The following GPR158 variants were observed in gnomAD, a reference collection of about 807,000 sequenced individuals.
The protein encoded by GPR158 is G protein-coupled receptor 158.
In GPR158, 30 loss-of-function variants were observed where a neutral mutation model predicts 78.2. That is an observed-to-expected ratio of 0.38 (90% CI 0.29 to 0.52). GPR158 has a LOEUF of 0.52. GPR158 is among the 20% of genes least tolerant of loss of function. The pLI is 0.83. For missense variants in GPR158, 1,463 were observed against 1,523.5 expected, an observed-to-expected ratio of 0.96 and a Z score of 0.66; for synonymous variants, 581 against 591.1, an observed-to-expected ratio of 0.98 and a Z score of 0.25.
chr10:25,548,606 A>G (rs1182115186), intron 5 of GPR158, among the ~76,000 whole-genome samples: 1 of 152,164 alleles, frequency 6.6e-6, no homozygotes, highest in East Asian at 1.9e-4. Context: ...ATATTAAATA[A>G]ACTGTGGAAG....
chr10:25,302,055 A>T, intron 2 of GPR158, among the ~76,000 whole-genome samples: 1 of 148,466 alleles, frequency 6.7e-6, no homozygotes, highest in Non-Finnish European at 1.5e-5. Flanking sequence ...CGCATCTATC[A>T]GTAATTTGTT....
intron 5 of GPR158, among the ~76,000 whole-genome samples, chr10:25,485,051 A>G (rs1007561717): frequency 2.0e-5 from 3 of 152,234 alleles, no homozygotes; most frequent in East Asian, 1.9e-4. Flanking sequence ...TAGGTGAACA[A>G]TCTGACCTAA....
chr10:25,399,381 AGTGGT>A (rs1306758317), intron 3 of GPR158, among the ~76,000 whole-genome samples: 6 of 152,176 alleles, frequency 3.9e-5, no homozygotes, highest in Non-Finnish European at 8.8e-5. Flanking sequence ...CTATCAGATC[AGTGGT>A]GGCATTAGAT....
chr10:25,288,370 A>G (rs904940172), intron 2 of GPR158, among the ~76,000 whole-genome samples: 6 of 152,198 alleles, frequency 3.9e-5, no homozygotes, highest in African/African-American at 1.4e-4. Context: ...GAAATTTTAA[A>G]CATGTGAGTT....
intron 1 of GPR158, among the ~76,000 whole-genome samples, chr10:25,190,028 C>T (rs1852752597): frequency 6.6e-6 from 1 of 151,884 alleles, no homozygotes; most frequent in South Asian, 2.1e-4. Flanking sequence ...ACATGAAGCT[C>T]CATTTACCAT....
chr10:25,186,325 G>A lies in GPR158; in HGVS notation c.902+10003G>A, dbSNP rs562525308. The stretch of plus-strand genomic sequence containing the variant: ...ACAATTAAAAGAACTAGAGAAGCAA[G>A]AGCAAACACATTCAAAAGCTAGCTA... On this transcript the variant is annotated intron_variant, in intron 1 of 10. Transcript: ENST00000376351. 1.6e-3 allele frequency among the ~76,000 whole-genome samples: 248 copies of A among 152,190 alleles called. 1 individual carries two copies. The highest frequency in any genetic ancestry group is 5.6e-3 in the African/African-American group (234 of 41,520).
rs924198035 is a variant in GPR158 at position 25,185,632 on chromosome 10, G to T, written c.902+9310G>T. The stretch of plus-strand genomic sequence containing the variant: ...AGGTCAGGAGATCGAGACTATCCTG[G>T]CTAACAGGGTGAAACCCCGTCTGTA... On this transcript the variant is annotated intron_variant, in intron 1 of 10. Coordinates refer to ENST00000376351, the MANE Select transcript of GPR158 (RefSeq NM_020752.3). 2.6e-5 allele frequency among the ~76,000 whole-genome samples: 4 copies of T among 152,122 alleles called. No homozygotes were observed. The South Asian group carries it at 8.3e-4, about 31-fold the overall frequency.
At chr10:25,412,622 T>A (rs762053776) in intron 4 of GPR158, 149 bp downstream of exon 4, 142 of 617,676 alleles carry the variant, frequency 2.3e-4, no homozygotes, top group Middle Eastern at 4.3e-4. Context: ...AGTTATATTC[T>A]TTAGCTGACC....
intron 2 of GPR158, among the ~76,000 whole-genome samples, chr10:25,320,804 G>A (rs1052054099): frequency 2.0e-5 from 3 of 152,170 alleles, no homozygotes; most frequent in Non-Finnish European, 4.4e-5. Context: ...CCTAGCAGGA[G>A]TTTTTATTCT....
At chr10:25,245,272 C>T (rs886753617) in intron 2 of GPR158, among the ~76,000 whole-genome samples, 4 of 152,218 alleles carry the variant, frequency 2.6e-5, no homozygotes, top group Admixed American at 6.5e-5. Context: ...AGAAGAGGCC[C>T]GTGATAGATC....
intron 2 of GPR158, among the ~76,000 whole-genome samples, chr10:25,252,142 C>G (rs913142771): frequency 3.0e-4 from 46 of 151,882 alleles, no homozygotes; most frequent in Non-Finnish European, 5.0e-4. Context: ...ACATAGTTCT[C>G]GAGCCTTGGT....
In GPR158 at chr10:25,598,367, T is replaced by C; in HGVS notation, c.2741T>C (p.Leu914Pro). ...SVIASAKEKT[L>P]GLAGKTQTAG... ...ATAGCAAGCGCCAAGGAGAAGACTC[T>C]TGGATTAGCTGGGAAAACCCAAACA... The change falls in exon 11 of 11, where the codon CTT (leucine) becomes CCT (proline). Residue 914 changes from leucine to proline, a missense_variant. Coordinates refer to ENST00000376351, the MANE Select transcript of GPR158 (RefSeq NM_020752.3). 1 of 1,614,052 alleles carries C rather than the reference T, an allele frequency of 6.2e-7. No individual in the cohort carries two copies. Among genetic ancestry groups the C allele is most frequent in the East Asian group, 2.2e-5 (1 of 44,872 alleles).
Position 25,466,665 on chromosome 10 carries a change from G to A in GPR158, c.1350G>A (p.Ser450=), listed in dbSNP as rs759588792. The A allele has an allele frequency of 9.4e-6, 15 of 1,603,930 alleles. No homozygotes were observed. In the South Asian group the frequency reaches 1.0e-4, roughly 11 times the overall value. ...TGTTTTTTCAGAGCATCCGGGCATC[G>A]GGCCTTATCCTGTTGGAAACGATCC... ...HFRKAKSIRA[S]GLILLETILF... Residue 450 remains serine, a synonymous_variant, in exon 5 of 11, where the codon TCG becomes TCA. Transcript: ENST00000376351.
intron 5 of GPR158, among the ~76,000 whole-genome samples, chr10:25,477,114 T>A (rs191402847): frequency 6.6e-6 from 1 of 152,244 alleles, no homozygotes; most frequent in Non-Finnish European, 1.5e-5. Context: ...GACTTTTTTT[T>A]AACTCCATTT....
intron 2 of GPR158, among the ~76,000 whole-genome samples, chr10:25,253,278 G>T (rs1242279617): frequency 1.3e-5 from 2 of 152,182 alleles, no homozygotes; most frequent in Admixed American, 1.3e-4. Flanking sequence ...GGTCTTCTGC[G>T]TCGGTCACGC....
intron 5 of GPR158, among the ~76,000 whole-genome samples, chr10:25,520,800 G>C (rs1047143116): frequency 6.6e-6 from 1 of 152,224 alleles, no homozygotes; most frequent in Non-Finnish European, 1.5e-5. Flanking sequence ...GGACAGCAGA[G>C]GTTACTGCTG....
At chr10:25,481,693 A>C (rs1402936590) in intron 5 of GPR158, among the ~76,000 whole-genome samples, 2 of 152,110 alleles carry the variant, frequency 1.3e-5, no homozygotes, top group Admixed American at 1.3e-4. Flanking sequence ...TTTTTGAGAA[A>C]TCGCCAAACT....
At chr10:25,340,353 G>T (rs529391594) in intron 2 of GPR158, among the ~76,000 whole-genome samples, 2 of 152,186 alleles carry the variant, frequency 1.3e-5, no homozygotes, top group African/African-American at 4.8e-5. Flanking sequence ...ATGTAAAAAG[G>T]CTCATGAGCA....
At chr10:25,471,350 A>G (rs953954076) in intron 5 of GPR158, among the ~76,000 whole-genome samples, 9 of 152,132 alleles carry the variant, frequency 5.9e-5, no homozygotes, top group African/African-American at 1.9e-4. Flanking sequence ...TCTTAATCCC[A>G]GTCTATCATT....
Sources: gnomAD v4.1 joint callset for allele counts (sites outside exome capture counted in the v4.1 genomes callset) on GRCh38, gnomAD v4.1.1 for gene constraint, MANE v1.5 for transcripts, NCBI Gene and HGNC (gene_info 2026-07-23, HGNC 2026-07-21) for gene names.